The following GABRR3 variants were observed in gnomAD, a reference collection of about 807,000 sequenced individuals.
GABRR3 encodes the protein gamma-aminobutyric acid type A receptor subunit rho3, also known as gamma-aminobutyric acid receptor subunit rho-3.
Under a neutral mutation model 43.2 loss-of-function variants are expected in GABRR3, and 29 were observed. The observed-to-expected ratio is 0.67, with a 90% CI of 0.50 to 0.92. The LOEUF (loss-of-function observed/expected upper bound fraction) is 0.92. GABRR3 is among the 40% of genes least tolerant of loss of function. The pLI, the probability that GABRR3 is intolerant of heterozygous loss-of-function variation, is 0.00. For synonymous variants in GABRR3, 206 were observed against 195.9 expected, an observed-to-expected ratio of 1.05 and a Z score of -0.43; for missense variants, 576 against 572.3, an observed-to-expected ratio of 1.01 and a Z score of -0.07.
At chr3:98,004,369 T>C (rs1189207865) in intron 7 of GABRR3, among the ~76,000 whole-genome samples, 2 of 152,076 alleles carry the variant, frequency 1.3e-5, no homozygotes, top group East Asian at 3.9e-4. Flanking sequence ...ATGAGAAAGT[T>C]AAGGGTTAGA....
At chr3:98,023,794 A>G (rs1462300227) in intron 3 of GABRR3, among the ~76,000 whole-genome samples, 1 of 152,264 alleles carries the variant, frequency 6.6e-6, no homozygotes, top group Non-Finnish European at 1.5e-5. Context: ...TAAACTCACC[A>G]TGATTTCATC....
At chr3:97,993,125 G>C (rs552743788) in intron 8 of GABRR3, 77 bp from the exon 9 acceptor site, 1 of 1,185,030 alleles carries the variant, frequency 8.4e-7, no homozygotes, top group African/African-American at 1.5e-5. Flanking sequence ...CACACCAGGG[G>C]ATGCATTTCT....
chr3:98,032,721 T>C (rs898130596), intron 2 of GABRR3, among the ~76,000 whole-genome samples: 3 of 152,166 alleles, frequency 2.0e-5, no homozygotes, highest in African/African-American at 7.2e-5. Flanking sequence ...ATATTCTGAA[T>C]GAAAACAACT....
At chr3:98,035,090 G>T in intron 1 of GABRR3, 100 bp downstream of exon 1, 1 of 1,354,208 alleles carries the variant, frequency 7.4e-7, no homozygotes, top group Non-Finnish European at 1.0e-6. Flanking sequence ...CAGCATGTCA[G>T]GGGAAATGCA....
intron 3 of GABRR3, among the ~76,000 whole-genome samples, chr3:98,022,312 C>T (rs1186249170): frequency 6.6e-6 from 1 of 152,130 alleles, no homozygotes; most frequent in Non-Finnish European, 1.5e-5. Context: ...CTCCTGTTTC[C>T]ACATAATGAG....
intron 9 of GABRR3, among the ~76,000 whole-genome samples, chr3:97,989,107 G>A (rs1413519993): frequency 4.6e-5 from 7 of 151,146 alleles, no homozygotes; most frequent in Admixed American, 3.3e-4. Flanking sequence ...GTGGGTGACG[G>A]TGGTAGATGG....
In GABRR3 at chr3:98,001,563, C is replaced by G. The variant is rs1706642350; in HGVS notation, c.907+52G>C. ...CATGTATGACCCATTTTATTTACCT[C>G]CCTTGAACTTTCTCCCATGTTAACA... On this transcript the variant is annotated intron_variant, in intron 8 of 9. Coordinates refer to ENST00000621172, the Ensembl canonical transcript of GABRR3. The G allele has an allele frequency of 1.9e-6, 3 of 1,595,690 alleles. No homozygotes were observed. In the Admixed American group the frequency reaches 5.1e-5, roughly 27 times the overall value.
At position 97,997,246 on chromosome 3, in the gene GABRR3, A is replaced by G. The variant is rs541728134; in HGVS notation, c.908-4198T>C. Among the ~76,000 whole-genome samples the G allele has an allele frequency of 2.9e-4, 43 of 149,142 alleles. No individual in the cohort carries two copies. The East Asian group carries it at 8.4e-3, about 29-fold the overall frequency. Reference sequence around the variant, plus strand: ...GCCATGTAGAGATGGCAAGATTTTGACAGAGAAACACAGGTGGGGAGGAGG... The same window carrying G: ...GCCATGTAGAGATGGCAAGATTTTGGCAGAGAAACACAGGTGGGGAGGAGG... On this transcript the variant is annotated intron_variant, in intron 8 of 9. Coordinates refer to ENST00000621172, the Ensembl canonical transcript of GABRR3.
intron 7 of GABRR3, among the ~76,000 whole-genome samples, chr3:98,002,581 C>CT (rs566580025): frequency 5.9e-5 from 9 of 151,844 alleles, no homozygotes; most frequent in African/African-American, 1.9e-4. Flanking sequence ...CCTTGTTTTT[C>CT]TTTTTTTTCT....
At chr3:98,008,991 A>G in exon 6 of GABRR3, 2 of 1,608,330 alleles carry the variant, frequency 1.2e-6, no homozygotes, top group Non-Finnish European at 1.7e-6. Context: ...TTGAGTGTCA[A>G]GAGGAAACCT....
chr3:98,011,276 T>C (rs1490808207), intron 5 of GABRR3, among the ~76,000 whole-genome samples: 1 of 152,244 alleles, frequency 6.6e-6, no homozygotes, highest in Non-Finnish European at 1.5e-5. Flanking sequence ...AACAAATTAC[T>C]ACAAATCTGG....
chr3:98,033,783 A>C (rs1707120240), intron 2 of GABRR3, among the ~76,000 whole-genome samples: 1 of 152,176 alleles, frequency 6.6e-6, no homozygotes. Context: ...GGTTAAATGG[A>C]ACAAGACTTC....
At chr3:98,034,274 A>G (rs1034322330) in intron 2 of GABRR3, among the ~76,000 whole-genome samples, 1 of 152,264 alleles carries the variant, frequency 6.6e-6, no homozygotes, top group Non-Finnish European at 1.5e-5. Context: ...GTGTATAAAG[A>G]GGTCACTCTC....
chr3:97,992,847 T>A lies in GABRR3; in HGVS notation c.1104+5A>T. 6.2e-7 allele frequency: 1 copy of A among 1,601,668 alleles called. No homozygotes were observed. Among genetic ancestry groups the A allele is most frequent in the Non-Finnish European group, 8.5e-7 (1 of 1,173,622 alleles). ...AGGGATCTGATAGTCAGAGCAAGGC[T>A]GTACCTTTCCTGTCTTCTTGAATTG... On this transcript the variant is annotated splice_donor_5th_base_variant and intron_variant, in intron 9 of 9. Transcript: ENST00000621172.
At chr3:97,989,240 A>G in intron 9 of GABRR3, among the ~76,000 whole-genome samples, 1 of 125,046 alleles carries the variant, frequency 8.0e-6, no homozygotes, top group African/African-American at 3.1e-5. Flanking sequence ...GATGGTGGTG[A>G]ACAGTGGTTG....
At position 98,004,680 on chromosome 3, in the gene GABRR3, A is replaced by AC. The variant is rs373314201; in HGVS notation, c.755-2914_755-2913insG. Reference sequence around the variant, plus strand: ...GCAACGGTAGTGGTGAAGGCCAAGAAAAAAAAAAAAACACCCTGTTGTTCA... The same window carrying AC: ...GCAACGGTAGTGGTGAAGGCCAAGAACAAAAAAAAAAACACCCTGTTGTTCA... On this transcript the variant is annotated intron_variant, in intron 7 of 9. Coordinates refer to ENST00000621172, the Ensembl canonical transcript of GABRR3. Among the ~76,000 whole-genome samples the AC allele has an allele frequency of 9.4e-4, 137 of 145,496 alleles. 1 individual carries two copies. The highest frequency in any genetic ancestry group is 3.4e-3 in the African/African-American group (129 of 37,866).
At chr3:98,003,378 T>C (rs1706677748) in intron 7 of GABRR3, among the ~76,000 whole-genome samples, 1 of 150,988 alleles carries the variant, frequency 6.6e-6, no homozygotes, top group Non-Finnish European at 1.5e-5. Context: ...GTTAACTGCA[T>C]CCTTTCTTTA....
intron 3 of GABRR3, among the ~76,000 whole-genome samples, chr3:98,021,507 G>A (rs1025065454): frequency 6.6e-6 from 1 of 152,032 alleles, no homozygotes; most frequent in African/African-American, 2.4e-5. Context: ...TACTTTTTGG[G>A]TTGCTGTGAT....
At chr3:98,009,079 A>G (rs755193499) in intron 5 of GABRR3, 41 bp from the exon 6 acceptor site, 1 of 1,302,834 alleles carries the variant, frequency 7.7e-7, no homozygotes, top group Non-Finnish European at 1.1e-6. Flanking sequence ...AGATCATTTA[A>G]CCATCTGGCC....
Sources: allele counts gnomAD v4.1 joint callset (sites outside exome capture counted in the v4.1 genomes callset), GRCh38; gene constraint gnomAD v4.1.1; transcripts MANE v1.5; gene names NCBI Gene and HGNC (gene_info 2026-07-23, HGNC 2026-07-21).